SNX15: variants seen among roughly 807,000 people sequenced by gnomAD.
SNX15 encodes the protein sorting nexin-15.
SNX15 carries 29 observed loss-of-function variants against 35.2 expected under a neutral mutation model. That is an observed-to-expected ratio of 0.82 (90% CI 0.61 to 1.12). The LOEUF (loss-of-function observed/expected upper bound fraction) is 1.12, where lower values mean the gene tolerates loss of function less well. Ranked by LOEUF, SNX15 falls within the 50% of genes most tolerant of loss-of-function variation. The pLI, the probability that SNX15 is intolerant of heterozygous loss-of-function variation, is 0.00. For synonymous variants in SNX15, 189 were observed against 188.2 expected (o/e 1.00, Z -0.03); for missense variants, 400 against 451.5 (o/e 0.89, Z 1.03).
At chr11:65,027,746 GTTT>G in intron 1 of SNX15, 110 bp downstream of exon 1, 12 of 806,904 alleles carry the variant, frequency 1.5e-5, no homozygotes, top group Non-Finnish European at 2.5e-5. Context: ...ACAGAAATGG[GTTT>G]CCCCTTTAAG....
chr11:65,029,869 G>A (rs1012078904), intron 1 of SNX15, among the ~76,000 whole-genome samples: 5 of 151,798 alleles, frequency 3.3e-5, no homozygotes, highest in Non-Finnish European at 5.9e-5. Flanking sequence ...GAACCACCGC[G>A]CCTGGCCTAT....
At chr11:65,030,229 C>T (rs1411544426) in intron 1 of SNX15, among the ~76,000 whole-genome samples, 1 of 151,864 alleles carries the variant, frequency 6.6e-6, no homozygotes, top group Non-Finnish European at 1.5e-5. Flanking sequence ...GTGGCGCTCA[C>T]CTGTAGTCCC....
chr11:65,027,845 G>T (rs1946392301), intron 1 of SNX15, among the ~76,000 whole-genome samples: 1 of 152,182 alleles, frequency 6.6e-6, no homozygotes, highest in African/African-American at 2.4e-5. Context: ...TTAAAAGGGC[G>T]TTGACGGCCG....
At chr11:65,039,615 AGGACCCGACCAGG>A in intron 7 of SNX15, 58 bp from the exon 8 acceptor site, 1 of 918,616 alleles carries the variant, frequency 1.1e-6, no homozygotes, top group Non-Finnish European at 1.7e-6. Context: ...CGAATTGTAA[AGGACCCGACCAGG>A]GGTTCTGACC....
At chr11:65,028,677 A>G (rs2136923830) in intron 1 of SNX15, among the ~76,000 whole-genome samples, 1 of 124,976 alleles carries the variant, frequency 8.0e-6, no homozygotes, top group East Asian at 2.3e-4. Flanking sequence ...ATACAGACAC[A>G]CACACAACTT....
Position 65,027,481 on chromosome 11 carries a change from G to T in SNX15, c.-57G>T. On this transcript the variant is annotated 5_prime_UTR_variant, in exon 1 of 8. Transcript: ENST00000377244. Reference sequence around the variant, plus strand: ...GCGGCGGGCGGAGGCTGGGCCGGAGGGGTGGGGACGGCGAGGAGGTGGAGG... The same window carrying T: ...GCGGCGGGCGGAGGCTGGGCCGGAGTGGTGGGGACGGCGAGGAGGTGGAGG... The T allele has an allele frequency of 7.2e-7, 1 of 1,395,244 alleles. No individual in the cohort carries two copies. The allele number at this position is 1,395,244 out of a possible 1,614,324, so 86.4% of individuals were successfully genotyped here. A position where few individuals can be genotyped will look rare whatever the true frequency, so the allele number is the denominator to read the frequency against.
rs1377443940 is a variant in SNX15 at position 65,039,989 on chromosome 11, C to CTGGAGAG, written c.*199_*200insGAGAGTG. 6 of 511,080 alleles carry CTGGAGAG rather than the reference C, an allele frequency of 1.2e-5. No individual in the cohort carries two copies. The highest frequency in any genetic ancestry group is 2.1e-5 in the Non-Finnish European group (6 of 281,040). The allele number at this position is 511,080 out of a possible 1,614,324, so 31.7% of individuals were successfully genotyped here. A position where few individuals can be genotyped will look rare whatever the true frequency, so the allele number is the denominator to read the frequency against. ...ACCTTGGAATCAAGGACTCACACTTCTGACCCTGCCTGTCTTTTTGGGGTT... is the reference window on the plus strand; with the variant it reads ...ACCTTGGAATCAAGGACTCACACTTCTGGAGAGTGACCCTGCCTGTCTTTTTGGGGTT... On this transcript the variant is annotated 3_prime_UTR_variant, in exon 8 of 8. Coordinates refer to ENST00000377244, the MANE Select transcript of SNX15 (RefSeq NM_013306.5).
rs1946450936 is a variant in SNX15 at position 65,032,460 on chromosome 11, C to T, written c.165C>T (p.Phe55=). 6.2e-7 allele frequency: 1 copy of T among 1,614,198 alleles called. No homozygotes were observed. Among genetic ancestry groups the T allele is most frequent in the Non-Finnish European group, 8.5e-7 (1 of 1,180,042 alleles). The stretch of plus-strand genomic sequence containing the variant: ...TGGTCTGGAAGCGGTACAGCGACTT[C>T]CGCAAGCTGCATGGAGACCTGGCCT... ...EVVVWKRYSD[F]RKLHGDLAYT... The change falls in exon 3 of 8, where the codon TTC becomes TTT. Residue 55 remains phenylalanine, a synonymous_variant. Coordinates refer to ENST00000377244, the MANE Select transcript of SNX15 (RefSeq NM_013306.5).
intron 6 of SNX15, 24 bp from the exon 7 acceptor site, chr11:65,038,548 C>G: frequency 1.3e-6 from 2 of 1,514,610 alleles, no homozygotes; most frequent in Non-Finnish European, 1.8e-6. Context: ...CAGTCTGGTC[C>G]GAGTCCTCCC....
chr11:65,039,405 G>A (rs1292145891), intron 7 of SNX15, among the ~76,000 whole-genome samples: 3 of 151,798 alleles, frequency 2.0e-5, no homozygotes, highest in Non-Finnish European at 4.4e-5. Context: ...TGTAGTTTTA[G>A]TAGAGATGGG....
At chr11:65,034,704 C>G (rs923354600) in intron 3 of SNX15, 143 bp from the exon 4 acceptor site, 3 of 627,972 alleles carry the variant, frequency 4.8e-6, no homozygotes, top group Non-Finnish European at 8.3e-6. Context: ...CCAGGAGGAA[C>G]CAGGGCAGAT....
chr11:65,031,499 T>C (rs1946439078), intron 1 of SNX15, among the ~76,000 whole-genome samples: 3 of 152,248 alleles, frequency 2.0e-5, no homozygotes. Flanking sequence ...AAGCGCAGGA[T>C]CTTCTCCCGC....
chr11:65,036,956 T>G (rs1946510850), intron 6 of SNX15: 1 of 152,266 alleles, frequency 6.6e-6, no homozygotes, highest in South Asian at 2.1e-4. Context: ...ATTACGGGCG[T>G]GAGCCAAAAT....
In SNX15 at chr11:65,039,300, T is replaced by C. The variant is rs572536816; in HGVS notation, c.923-386T>C. Among the ~76,000 whole-genome samples the C allele has an allele frequency of 1.4e-4, 22 of 152,174 alleles. No individual in the cohort carries two copies. The East Asian group carries it at 4.3e-3, about 29-fold the overall frequency. On this transcript the variant is annotated intron_variant, in intron 7 of 7. Transcript: ENST00000377244. The stretch of plus-strand genomic sequence containing the variant: ...GTGCAGTGGCACAATCTTGGCTCAC[T>C]GCAACCTCCACCTCCCAGGTTCAAG...
Position 65,027,587 on chromosome 11 carries a change from A to G in SNX15, c.50A>G (p.Asp17Gly), listed in dbSNP as rs775459814. 1 of 1,614,038 alleles carries G rather than the reference A, an allele frequency of 6.2e-7. No homozygotes were observed. Among genetic ancestry groups the G allele is most frequent in the South Asian group, 1.1e-5 (1 of 91,084 alleles). Residue 17 changes from aspartate to glycine, a missense_variant, in exon 1 of 8, where the codon GAC becomes GGC. By Grantham distance (94) the Asp-to-Gly change is moderately conservative. Transcript: ENST00000377244. ...TTCCTGCGGCACTACACAGTGTCGG[A>G]CCCCAGGACTCACCCCAAGGGCTAC... ...DDFLRHYTVSDPRTHPKGYTE... is the reference protein window; with the variant it reads ...DDFLRHYTVSGPRTHPKGYTE...
rs200754789 is a variant in SNX15, at chr11:65,027,656, G to T, written c.99+20G>T. On this transcript the variant is annotated intron_variant, in intron 1 of 7. Coordinates refer to ENST00000377244, the MANE Select transcript of SNX15 (RefSeq NM_013306.5). ...GCGCAGGTGAGGTGGGGCCCAGCGC[G>T]TACTTTACCCTTTTAACTAGAGGGG... is the stretch of plus-strand genomic sequence containing the variant. The T allele has an allele frequency of 3.2e-5, 51 of 1,584,914 alleles. No homozygotes were observed. The highest frequency in any genetic ancestry group is 1.7e-4 in the Middle Eastern group (1 of 6,024).
chr11:65,032,596 T>TTGGGCAAAAGGGGACCTCCGCCAG, intron 3 of SNX15, 45 bp downstream of exon 3: 12 of 1,612,594 alleles, frequency 7.4e-6, no homozygotes, highest in Non-Finnish European at 9.3e-6. Flanking sequence ...GGAGGGAGCA[T>TTGGGCAAAAGGGGACCTCCGCCAG]TGGGCAAAAG....
chr11:65,032,209 G>T lies in SNX15; in HGVS notation c.135+6G>T, dbSNP rs766706579. On this transcript the variant is annotated splice_donor_region_variant and intron_variant, in intron 2 of 7. Transcript: ENST00000377244. ...ACCCAGAGGATGTCAAAGAGGTGAG[G>T]CTCCTGGGAGGAAGAGGGACTGTTC... 2 of 1,613,698 alleles carry T rather than the reference G, an allele frequency of 1.2e-6. No individual in the cohort carries two copies. The highest frequency in any genetic ancestry group is 3.3e-5 in the Admixed American group (2 of 60,018).
chr11:65,031,300 A>G (rs1946437244), intron 1 of SNX15, among the ~76,000 whole-genome samples: 1 of 152,244 alleles, frequency 6.6e-6, no homozygotes, highest in South Asian at 2.1e-4. Context: ...CTGGCATTAC[A>G]GGTGTGAGCC....
Sources: allele counts gnomAD v4.1 joint callset (sites outside exome capture counted in the v4.1 genomes callset), GRCh38; gene constraint gnomAD v4.1.1; transcripts MANE v1.5; gene names NCBI Gene and HGNC (gene_info 2026-07-23, HGNC 2026-07-21).